The following DMD variants were observed in gnomAD, a reference collection of about 807,000 sequenced individuals.
DMD encodes dystrophin, also known as mutant dystrophin.
A neutral mutation model predicts 330.1 loss-of-function variants in DMD; 63 were observed. The ratio of observed to expected loss-of-function variants is 0.19; its 90% CI spans 0.16 to 0.24. The LOEUF (loss-of-function observed/expected upper bound fraction) is 0.24. Among genes scored for constraint, DMD ranks in the 10% least tolerant of loss-of-function variants. DMD has a pLI of 1.00. For missense variants in DMD, 3,344 were observed against 2,684.1 expected (o/e 1.25, Z -5.43); for synonymous variants, 1,223 against 959.8 (o/e 1.27, Z -5.07).
chrX:33,083,586 A>C (rs2094961966), intron 1 of DMD, among the ~76,000 whole-genome samples: 1 of 111,684 alleles, frequency 9.0e-6, no homozygotes, highest in Non-Finnish European at 1.9e-5. Flanking sequence ...TGAGTTAGGC[A>C]TGCTGGACTT....
At chrX:33,255,181 T>C (rs930685909) in intron 1 of DMD, among the ~76,000 whole-genome samples, 4 of 110,923 alleles carry the variant, frequency 3.6e-5, no homozygotes, top group African/African-American at 1.3e-4. Context: ...GCAAATGTCA[T>C]TAGTTAAGTC....
intron 7 of DMD, among the ~76,000 whole-genome samples, chrX:32,804,350 G>A (rs1439802406): frequency 8.9e-6 from 1 of 112,309 alleles, no homozygotes; most frequent in Non-Finnish European, 1.9e-5. Flanking sequence ...TGTAAACAAA[G>A]TCGCTGGGAA....
intron 1 of DMD, among the ~76,000 whole-genome samples, chrX:33,246,997 T>G (rs1457221265): frequency 8.9e-6 from 1 of 111,932 alleles, no homozygotes; most frequent in Non-Finnish European, 1.9e-5. Context: ...TATCTCGGTC[T>G]TCAAACTCTG....
intron 62 of DMD, among the ~76,000 whole-genome samples, chrX:31,278,003 A>G (rs973509417): frequency 1.4e-5 from 1 of 69,437 alleles, no homozygotes; most frequent in Non-Finnish European, 2.6e-5. Flanking sequence ...TATCTAAAAT[A>G]GAAGTTGAAA....
At chrX:32,863,893 C>T (rs999038779) in intron 2 of DMD, among the ~76,000 whole-genome samples, 2 of 111,978 alleles carry the variant, frequency 1.8e-5, no homozygotes, top group Non-Finnish European at 3.8e-5. Context: ...ATTCTTTCTT[C>T]TTCCATGCCT....
chrX:32,085,641 T>C (rs867709760), intron 44 of DMD, among the ~76,000 whole-genome samples: 1 of 91,104 alleles, frequency 1.1e-5, no homozygotes, highest in Non-Finnish European at 2.1e-5. Context: ...CATATATACG[T>C]ATATATATGT....
intron 13 of DMD, among the ~76,000 whole-genome samples, chrX:32,575,316 G>C (rs769038816): frequency 8.9e-6 from 1 of 111,979 alleles, no homozygotes; most frequent in South Asian, 3.7e-4. Context: ...TTTTCCTACA[G>C]TATTAACATA....
At chrX:31,216,541 A>C (rs898726391) in intron 64 of DMD, among the ~76,000 whole-genome samples, 1 of 112,602 alleles carries the variant, frequency 8.9e-6, no homozygotes, top group Non-Finnish European at 1.9e-5. Flanking sequence ...CATGGTATAT[A>C]GAAAAAGTAG....
chrX:31,865,668 G>A (rs1165469879), intron 48 of DMD, among the ~76,000 whole-genome samples: 22 of 30,283 alleles, frequency 7.3e-4, no homozygotes, highest in Non-Finnish European at 1.2e-3. Context: ...CCACGAAAGC[G>A]TGGAAGCATG....
intron 4 of DMD, among the ~76,000 whole-genome samples, chrX:32,835,720 C>G (rs1373604181): frequency 9.0e-6 from 1 of 111,342 alleles, no homozygotes; most frequent in Admixed American, 9.6e-5. Context: ...AACTGAGGAG[C>G]TAGTTTAGAA....
chrX:31,444,359 C>A (rs1224419938), intron 60 of DMD, 122 bp downstream of exon 60: 1 of 798,029 alleles, frequency 1.3e-6, no homozygotes, highest in African/African-American at 2.1e-5. Flanking sequence ...TATAAAATAT[C>A]CTATCCTCAC....
intron 1 of DMD, among the ~76,000 whole-genome samples, chrX:33,131,819 T>G (rs1322630367): frequency 8.9e-6 from 1 of 112,288 alleles, no homozygotes; most frequent in Non-Finnish European, 1.9e-5. Context: ...TGTGTGTGGG[T>G]TTTTATGCCT....
intron 44 of DMD, among the ~76,000 whole-genome samples, chrX:32,143,904 C>G (rs753149362): frequency 9.1e-6 from 1 of 110,030 alleles, no homozygotes; most frequent in Admixed American, 9.9e-5. Context: ...CTGTCATTCA[C>G]TAACTGGTCA....
Position 33,009,915 on chromosome X carries a change from TATGTGTGTATACAC to T in DMD, c.93+10210_93+10223del, listed in dbSNP as rs1228507143. Among the ~76,000 whole-genome samples, 6 of 62,463 alleles carry T rather than the reference TATGTGTGTATACAC, an allele frequency of 9.6e-5. 2 individuals carry two copies. The East Asian group carries it at 4.8e-3, about 50-fold the overall frequency. The allele number at this position is 62,463 out of a possible 115,157, so 54.2% of individuals were successfully genotyped here. On this transcript the variant is annotated intron_variant, in intron 2 of 78. Coordinates refer to ENST00000357033, the MANE Select transcript of DMD (RefSeq NM_004006.3). The stretch of plus-strand genomic sequence containing the variant: ...ATGTGTATATGTGTGTATATGTGTA[TATGTGTGTATACAC>T]ATGTGTGTATATACACGTGTGTATG...
At chrX:33,144,367 A>T (rs1350979219) in intron 1 of DMD, among the ~76,000 whole-genome samples, 1 of 111,348 alleles carries the variant, frequency 9.0e-6, no homozygotes, top group Non-Finnish European at 1.9e-5. Flanking sequence ...TCTGTACCAC[A>T]ATAGGGTGAT....
chrX:32,654,996 C>T (rs1009258898), intron 9 of DMD, among the ~76,000 whole-genome samples: 4 of 111,313 alleles, frequency 3.6e-5, no homozygotes, highest in Admixed American at 9.5e-5. Flanking sequence ...GTGGTGATAT[C>T]CCCTTTATTA....
At chrX:33,083,036 CAGAGAAAGAGAG>C (rs199761788) in intron 1 of DMD, among the ~76,000 whole-genome samples, 451 of 111,608 alleles carry the variant, frequency 4.0e-3, no homozygotes, top group African/African-American at 0.014. Context: ...TTTAACAATG[CAGAGAAAGAGAG>C]AGAGAGAGAG....
chrX:32,035,457 T>C (rs2095935395), intron 44 of DMD: 2 of 176,035 alleles, frequency 1.1e-5, no homozygotes, highest in Non-Finnish European at 2.2e-5. Flanking sequence ...GTGTTAGATA[T>C]GGTGCTAGGT....
At chrX:33,235,111 T>C (rs1421313148) in intron 1 of DMD, among the ~76,000 whole-genome samples, 1 of 111,856 alleles carries the variant, frequency 8.9e-6, no homozygotes, top group Non-Finnish European at 1.9e-5. Flanking sequence ...ACTAAGAGAA[T>C]TACGTTAAGG....
Sources: gnomAD v4.1 joint callset for allele counts (sites outside exome capture counted in the v4.1 genomes callset) on GRCh38, gnomAD v4.1.1 for gene constraint, MANE v1.5 for transcripts, NCBI Gene and HGNC (gene_info 2026-07-23, HGNC 2026-07-21) for gene names.